MCPH1: variants seen among roughly 807,000 people sequenced by gnomAD.
MCPH1 encodes microcephalin.
Under a neutral mutation model 84.5 loss-of-function variants are expected in MCPH1, and 104 were observed. The ratio of observed to expected loss-of-function variants is 1.23; its 90% CI spans 1.05 to 1.45. The LOEUF (loss-of-function observed/expected upper bound fraction) is 1.45. Among genes scored for constraint, MCPH1 ranks in the 40% most tolerant of loss-of-function variants. The pLI is 0.00. For missense variants in MCPH1, 1,498 were observed against 1,005.7 expected (o/e 1.49, Z -6.62); for synonymous variants, 514 against 366.8 (o/e 1.40, Z -4.58).
intron 12 of MCPH1, among the ~76,000 whole-genome samples, chr8:6,522,363 AG>A (rs1233585481): frequency 2.0e-5 from 3 of 149,824 alleles, no homozygotes; most frequent in Non-Finnish European, 4.4e-5. Context: ...TCAAAAAAAA[AG>A]AAAAAAAAAT....
chr8:6,408,907 A>G (rs1798133507), intron 1 of MCPH1, among the ~76,000 whole-genome samples: 1 of 148,930 alleles, frequency 6.7e-6, no homozygotes, highest in Admixed American at 6.7e-5. Context: ...TTTTTTTTGA[A>G]ACGGGTCTCG....
In MCPH1 at chr8:6,431,495, A is replaced by G. The variant is rs756712806; in HGVS notation, c.234-4A>G. On this transcript the variant is annotated splice_region_variant and splice_polypyrimidine_tract_variant and intron_variant, in intron 3 of 13. Transcript: ENST00000344683. ...CATTAGACTACCTTAATTTAATTAT[A>G]CAGATGCAGGACAGCTGGAGCACAC... 19 of 1,610,408 alleles carry G rather than the reference A, an allele frequency of 1.2e-5. No individual in the cohort carries two copies. The East Asian group carries it at 4.2e-4, about 36-fold the overall frequency.
chr8:6,562,594 G>A lies in MCPH1; in HGVS notation c.2215-58860G>A, dbSNP rs1335238762. The A allele has an allele frequency of 2.0e-5, 6 of 292,764 alleles. No homozygotes were observed. The East Asian group carries it at 6.9e-4, about 34-fold the overall frequency. 18.1% of individuals were successfully genotyped at this position (292,764 alleles called of 1,614,324 possible). A position where few individuals can be genotyped will look rare whatever the true frequency, so the allele number is the denominator to read the frequency against. On this transcript the variant is annotated intron_variant, in intron 12 of 13. Coordinates refer to ENST00000344683, the MANE Select transcript of MCPH1 (RefSeq NM_024596.5). ...TTTGGTTGTTAAAACCTGAGCTGCT[G>A]CCAAGCTGATCTTAATAGCATGTTC...
rs756924757 is a variant in MCPH1, at chr8:6,442,083, G to T, written c.597G>T (p.Gln199His). 1 of 1,612,520 alleles carries T rather than the reference G, an allele frequency of 6.2e-7. No individual in the cohort carries two copies. Among genetic ancestry groups the T allele is most frequent in the Non-Finnish European group, 8.5e-7 (1 of 1,178,582 alleles). ...TGTTTTTAGCTTCCCAAATGATTCA[G>T]CAGTCTCATGATAATCCAAGTAACT... The part of the protein sequence containing the change: ...NLSPTSSQMI[Q>H]QSHDNPSNSL... The change falls in exon 7 of 14, where the codon CAG becomes CAT. Residue 199 changes from glutamine to histidine, a missense_variant. Coordinates refer to ENST00000344683, the MANE Select transcript of MCPH1 (RefSeq NM_024596.5).
chr8:6,551,868 A>T (rs182059200), intron 12 of MCPH1, among the ~76,000 whole-genome samples: 4 of 152,360 alleles, frequency 2.6e-5, no homozygotes, highest in Admixed American at 6.5e-5. Context: ...AACATTTCCC[A>T]TTAAGACCAG....
chr8:6,445,732 G>A (rs904797863), intron 8 of MCPH1, 185 bp downstream of exon 8: 1 of 1,396,772 alleles, frequency 7.2e-7, no homozygotes, highest in Non-Finnish European at 9.2e-7. Flanking sequence ...GCTGTCTTGT[G>A]GAACTTCTAG....
At position 6,598,439 on chromosome 8, in the gene MCPH1, G is replaced by C. The variant is rs1829091922; in HGVS notation, c.2215-23015G>C. On this transcript the variant is annotated intron_variant, in intron 12 of 13. Transcript: ENST00000344683. Reference sequence around the variant, plus strand: ...CAGCTCTGAGCCTCAGACATGAGGGGAGAAGAAGGGGATGGGGTGGGGGGC... The same window carrying C: ...CAGCTCTGAGCCTCAGACATGAGGGCAGAAGAAGGGGATGGGGTGGGGGGC... Among the ~76,000 whole-genome samples, 3 of 152,182 alleles carry C rather than the reference G, an allele frequency of 2.0e-5. No homozygotes were observed. In the South Asian group the frequency reaches 6.2e-4, roughly 32 times the overall value.
At chr8:6,537,402 G>A (rs1820701062) in intron 12 of MCPH1, among the ~76,000 whole-genome samples, 1 of 151,980 alleles carries the variant, frequency 6.6e-6, no homozygotes, top group East Asian at 1.9e-4. Context: ...GTTTAACATT[G>A]AGGGCCACAG....
chr8:6,596,172 G>T (rs1474966210), intron 12 of MCPH1, among the ~76,000 whole-genome samples: 3 of 152,158 alleles, frequency 2.0e-5, no homozygotes, highest in Non-Finnish European at 4.4e-5. Flanking sequence ...GGACATGAAA[G>T]ATATGTTGAT....
chr8:6,530,246 G>T (rs1482999808), intron 12 of MCPH1, among the ~76,000 whole-genome samples: 1 of 151,974 alleles, frequency 6.6e-6, no homozygotes, highest in African/African-American at 2.4e-5. Context: ...GGTGGCTCAC[G>T]CCTGTGATCC....
At chr8:6,483,182 A>G (rs986236900) in intron 11 of MCPH1, among the ~76,000 whole-genome samples, 2 of 152,240 alleles carry the variant, frequency 1.3e-5, no homozygotes, top group African/African-American at 4.8e-5. Context: ...TCAAAGAACT[A>G]AATATATTAA....
At chr8:6,592,244 C>T (rs1274798336) in intron 12 of MCPH1, among the ~76,000 whole-genome samples, 5 of 151,968 alleles carry the variant, frequency 3.3e-5, no homozygotes, top group South Asian at 2.1e-4. Flanking sequence ...CTCAACCTCT[C>T]GGGCTCAAGT....
Position 6,431,589 on chromosome 8 carries a change from A to G in MCPH1, c.321+3A>G. On this transcript the variant is annotated splice_donor_region_variant and intron_variant, in intron 4 of 13. Transcript: ENST00000344683. ...TATCAAGCCTAATTAAAAAAAAAGTAAGTACATGATTTCAATGTAGATAAT... is the reference window on the plus strand; with the variant it reads ...TATCAAGCCTAATTAAAAAAAAAGTGAGTACATGATTTCAATGTAGATAAT... 1 of 1,586,596 alleles carries G rather than the reference A, an allele frequency of 6.3e-7. No individual in the cohort carries two copies. Among genetic ancestry groups the G allele is most frequent in the Non-Finnish European group, 8.6e-7 (1 of 1,156,848 alleles).
intron 12 of MCPH1, among the ~76,000 whole-genome samples, chr8:6,537,130 G>C (rs1293011680): frequency 6.6e-6 from 1 of 152,128 alleles, no homozygotes; most frequent in African/African-American, 2.4e-5. Flanking sequence ...CGTGGGAGGG[G>C]ACCCGGCTCT....
chr8:6,514,771 C>T (rs1815913789), intron 12 of MCPH1: 3 of 1,613,902 alleles, frequency 1.9e-6, no homozygotes, highest in Non-Finnish European at 2.5e-6. Flanking sequence ...TTCCATGTCA[C>T]AGTAGGCCTG....
In MCPH1 at chr8:6,573,441, G is replaced by A. The variant is rs534291571; in HGVS notation, c.2215-48013G>A. Among the ~76,000 whole-genome samples, 3 of 152,112 alleles carry A rather than the reference G, an allele frequency of 2.0e-5. No homozygotes were observed. In the East Asian group the frequency reaches 5.8e-4, roughly 29 times the overall value. ...CAGGAATGGGATTGGTCTGGTACTG[G>A]GACTGACTCTTACACTTAAAAATGC... On this transcript the variant is annotated intron_variant, in intron 12 of 13. Transcript: ENST00000344683.
chr8:6,425,225 C>T (rs1245623431), intron 3 of MCPH1, among the ~76,000 whole-genome samples: 2 of 152,180 alleles, frequency 1.3e-5, no homozygotes, highest in Admixed American at 6.5e-5. Context: ...GGCTCTGAGG[C>T]AGCAGCAGGT....
chr8:6,525,114 T>C (rs2129570208), intron 12 of MCPH1, among the ~76,000 whole-genome samples: 1 of 152,364 alleles, frequency 6.6e-6, no homozygotes, highest in African/African-American at 2.4e-5. Context: ...TCTGACTCTT[T>C]AACCCTGCAA....
intron 4 of MCPH1, among the ~76,000 whole-genome samples, chr8:6,434,023 C>G (rs1177380275): frequency 6.6e-6 from 1 of 152,138 alleles, no homozygotes; most frequent in Non-Finnish European, 1.5e-5. Context: ...TTCCAGCCTC[C>G]CTATGGCTTT....
Sources: gnomAD v4.1 joint callset for allele counts (sites outside exome capture counted in the v4.1 genomes callset) on GRCh38, gnomAD v4.1.1 for gene constraint, MANE v1.5 for transcripts, NCBI Gene and HGNC (gene_info 2026-07-23, HGNC 2026-07-21) for gene names.